TMC1: variants seen among roughly 807,000 people sequenced by gnomAD.
TMC1 encodes the protein transmembrane channel-like protein 1.
A neutral mutation model predicts 105.8 loss-of-function variants in TMC1; 84 were observed. That is an observed-to-expected ratio of 0.79 (90% CI 0.67 to 0.95). The LOEUF is 0.95. Among genes scored for constraint, TMC1 ranks in the 40% least tolerant of loss-of-function variants. The pLI is 0.00. For missense variants in TMC1, 817 were observed against 914.1 expected (o/e 0.89, Z 1.37); for synonymous variants, 315 against 311.5 (o/e 1.01, Z -0.12).
At chr9:72,753,802 A>G (rs1827624861) in intron 11 of TMC1, among the ~76,000 whole-genome samples, 1 of 152,052 alleles carries the variant, frequency 6.6e-6, no homozygotes, top group Non-Finnish European at 1.5e-5. Flanking sequence ...CTTTTGCCCC[A>G]AGGTCCTGTG....
rs549335957 is a variant in TMC1, at chr9:72,733,812, C to A, written c.363-6307C>A. On this transcript the variant is annotated intron_variant, in intron 8 of 23. Transcript: ENST00000297784. ...TCTTCACAATTTCAGGAAGAGAAGA[C>A]GTCTTACCATAGATCTTAGCAACCT... Among the ~76,000 whole-genome samples the A allele has an allele frequency of 2.0e-5, 3 of 152,234 alleles. No homozygotes were observed. In the South Asian group the frequency reaches 6.2e-4, roughly 32 times the overall value.
chr9:72,708,747 G>A lies in TMC1; in HGVS notation c.362+8104G>A, dbSNP rs1218751123. Among the ~76,000 whole-genome samples the A allele has an allele frequency of 3.9e-5, 6 of 152,154 alleles. No homozygotes were observed. The South Asian group carries it at 1.0e-3, about 26-fold the overall frequency. ...GTTTCACCTCTTTACCAATCTGGAT[G>A]CCCTTTATTTCTTTCTCGTGTCTGA... On this transcript the variant is annotated intron_variant, in intron 8 of 23. Coordinates refer to ENST00000297784, the MANE Select transcript of TMC1 (RefSeq NM_138691.3).
intron 5 of TMC1, among the ~76,000 whole-genome samples, chr9:72,668,766 A>T (rs2132166954): frequency 6.6e-6 from 1 of 152,294 alleles, no homozygotes; most frequent in East Asian, 1.9e-4. Flanking sequence ...TGTTTACTAA[A>T]TTCTGGATGT....
At chr9:72,551,489 G>C (rs139708619) in intron 1 of TMC1, among the ~76,000 whole-genome samples, 176 of 152,272 alleles carry the variant, frequency 1.2e-3, no homozygotes, top group African/African-American at 4.1e-3. Context: ...CCTTCCCCCT[G>C]TTGAGTTGCC....
intron 5 of TMC1, among the ~76,000 whole-genome samples, chr9:72,671,304 A>C (rs913425158): frequency 1.6e-4 from 25 of 152,138 alleles, no homozygotes; most frequent in African/African-American, 4.3e-4. Context: ...GGGTATAGGG[A>C]GGGCACCTCT....
intron 1 of TMC1, among the ~76,000 whole-genome samples, chr9:72,525,132 G>A (rs1823384083): frequency 1.3e-5 from 2 of 152,176 alleles, no homozygotes; most frequent in East Asian, 3.8e-4. Context: ...TAGTATCCAG[G>A]TGTCCAAATA....
rs1441179391 is a variant in TMC1, at chr9:72,751,227, T to C, written c.536-623T>C. Among the ~76,000 whole-genome samples the C allele has an allele frequency of 3.9e-5, 6 of 152,354 alleles. No individual in the cohort carries two copies. The South Asian group carries it at 1.2e-3, about 32-fold the overall frequency. On this transcript the variant is annotated intron_variant, in intron 10 of 23. Coordinates refer to ENST00000297784, the MANE Select transcript of TMC1 (RefSeq NM_138691.3). ...TCTATTATAGCAGCACCCGTATCTA[T>C]GACATTGTGCTTCACATCTAAGATA...
chr9:72,825,526 T>C (rs749510080), intron 20 of TMC1, among the ~76,000 whole-genome samples: 1 of 152,220 alleles, frequency 6.6e-6, no homozygotes, highest in Non-Finnish European at 1.5e-5. Flanking sequence ...AACTTTGCTT[T>C]GGGTCACACT....
chr9:72,700,590 T>C lies in TMC1; in HGVS notation c.309T>C (p.Ile103=). Residue 103 remains isoleucine (I), a synonymous_variant, in exon 8 of 24, where the codon ATT becomes ATC. Transcript: ENST00000297784. ...KAELDEKRQI[I]ATVKCKPWKM... ...AGTTAGATGAGAAAAGACAAATAAT[T>C]GCTACTGTCAAATGCAAACCATGGA... The C allele has an allele frequency of 1.2e-6, 2 of 1,608,848 alleles. No individual in the cohort carries two copies. The highest frequency in any genetic ancestry group is 1.7e-6 in the Non-Finnish European group (2 of 1,176,832).
rs58007608 is a variant in TMC1 at position 72,683,733 on chromosome 9, TTATATATATATATATATATA to T, written c.17-4954_17-4935del. Among the ~76,000 whole-genome samples the T allele has an allele frequency of 7.8e-3, 419 of 53,402 alleles. 13 individuals carry two copies. Among genetic ancestry groups the T allele is most frequent in the African/African-American group, 0.024 (397 of 16,348 alleles). The allele number at this position is 53,402 out of a possible 152,430, so 35.0% of individuals were successfully genotyped here. ...TCTGAGTTAACCTGAGTTACACATT[TTATATATATATATATATATA>T]TATATATATATATATATATATGTTA... On this transcript the variant is annotated intron_variant, in intron 5 of 23. Coordinates refer to ENST00000297784, the MANE Select transcript of TMC1 (RefSeq NM_138691.3).
At chr9:72,656,201 C>T (rs927624073) in intron 5 of TMC1, 3 of 532,934 alleles carry the variant, frequency 5.6e-6, no homozygotes, top group Non-Finnish European at 1.1e-5. Context: ...ATCACTGCTG[C>T]GCGGCTTCCT....
intron 2 of TMC1, among the ~76,000 whole-genome samples, chr9:72,580,933 C>T (rs1010282514): frequency 6.6e-6 from 1 of 152,096 alleles, no homozygotes; most frequent in African/African-American, 2.4e-5. Context: ...AGCATGATGC[C>T]CCATCCTCAG....
At chr9:72,743,133 C>T (rs1048365444) in intron 10 of TMC1, among the ~76,000 whole-genome samples, 14 of 151,502 alleles carry the variant, frequency 9.2e-5, no homozygotes, top group African/African-American at 3.4e-4. Flanking sequence ...TTTGGGAGGC[C>T]GAGGCGGGCG....
At chr9:72,811,437 A>T (rs1564571098) in intron 18 of TMC1, among the ~76,000 whole-genome samples, 1 of 152,156 alleles carries the variant, frequency 6.6e-6, no homozygotes, top group Non-Finnish European at 1.5e-5. Context: ...TGAGGAGTAG[A>T]ATAGTTTGTC....
At chr9:72,692,728 T>C (rs180768873) in intron 6 of TMC1, among the ~76,000 whole-genome samples, 29 of 152,164 alleles carry the variant, frequency 1.9e-4, no homozygotes, top group Non-Finnish European at 3.7e-4. Flanking sequence ...CATGATGGGG[T>C]TCAAATAACA....
chr9:72,539,155 G>A (rs951163512), intron 1 of TMC1, among the ~76,000 whole-genome samples: 7 of 151,868 alleles, frequency 4.6e-5, no homozygotes, highest in Non-Finnish European at 7.4e-5. Context: ...GGCTGAGGTG[G>A]GCAGATCAAT....
intron 1 of TMC1, among the ~76,000 whole-genome samples, chr9:72,525,934 G>A (rs1823399509): frequency 6.6e-6 from 1 of 151,442 alleles, no homozygotes; most frequent in South Asian, 2.1e-4. Context: ...GTTGCAGTGA[G>A]CCAAGGTCGT....
chr9:72,719,551 CA>C lies in TMC1; in HGVS notation c.362+18910del, dbSNP rs558790508. ...CACTCACAGTATTTGGGCTGTCTCC[CA>C]AGTCCTGCAGGAGCAACCTGTTTCC... On this transcript the variant is annotated intron_variant, in intron 8 of 23. Transcript: ENST00000297784. Among the ~76,000 whole-genome samples, 189 of 152,342 alleles carry C rather than the reference CA, an allele frequency of 1.2e-3. 1 individual carries two copies. The highest frequency in any genetic ancestry group is 4.4e-3 in the African/African-American group (181 of 41,566).
intron 8 of TMC1, among the ~76,000 whole-genome samples, chr9:72,703,261 G>T (rs1826676463): frequency 6.6e-6 from 1 of 151,976 alleles, no homozygotes; most frequent in South Asian, 2.1e-4. Context: ...CACGTACCTG[G>T]GACTATATGT....
Sources: gnomAD v4.1 joint callset for allele counts (sites outside exome capture counted in the v4.1 genomes callset) on GRCh38, gnomAD v4.1.1 for gene constraint, MANE v1.5 for transcripts, NCBI Gene and HGNC (gene_info 2026-07-23, HGNC 2026-07-21) for gene names.